NCAM1: variants seen among roughly 807,000 people sequenced by gnomAD.
The protein encoded by NCAM1 is antigen recognized by monoclonal antibody 5.1H11.
In NCAM1, 14 loss-of-function variants were observed where a neutral mutation model predicts 109.8. That is an observed-to-expected ratio of 0.13 (90% confidence interval 0.08 to 0.20). The LOEUF (loss-of-function observed/expected upper bound fraction) is 0.20. Ranked by LOEUF, NCAM1 falls within the 10% of genes least tolerant of loss-of-function variation. The pLI, the probability that NCAM1 is intolerant of heterozygous loss-of-function variation, is 1.00. For missense variants in NCAM1, 774 were observed against 1,109.9 expected (o/e 0.70, Z 4.30); for synonymous variants, 418 against 442.9 (o/e 0.94, Z 0.70).
Position 113,232,776 on chromosome 11 carries a change from T to G in NCAM1, c.1484T>G (p.Ile495Ser). ...GNYNCTAVNR[I>S]GQESLEFILV... Reference sequence around the variant, plus strand: ...TACAACTGTACTGCAGTGAACCGCATTGGGCAGGAGTCCTTGGAATTCATC... The same window carrying G: ...TACAACTGTACTGCAGTGAACCGCAGTGGGCAGGAGTCCTTGGAATTCATC... Residue 495 changes from isoleucine to serine, a missense_variant, in exon 12 of 20, where the codon ATT (isoleucine) becomes AGT (serine). Coordinates refer to ENST00000316851, the MANE Select transcript of NCAM1 (RefSeq NM_181351.5). The G allele has an allele frequency of 6.2e-7, 1 of 1,613,954 alleles. No individual in the cohort carries two copies. Among genetic ancestry groups the G allele is most frequent in the Non-Finnish European group, 8.5e-7 (1 of 1,179,862 alleles).
intron 1 of NCAM1, among the ~76,000 whole-genome samples, chr11:113,086,110 T>C (rs1302918216): frequency 6.6e-6 from 1 of 152,244 alleles, no homozygotes; most frequent in Non-Finnish European, 1.5e-5. Context: ...CACGTTGTAC[T>C]GATGCTCAGT....
At chr11:113,145,898 C>T (rs1381317882) in intron 1 of NCAM1, among the ~76,000 whole-genome samples, 1 of 152,160 alleles carries the variant, frequency 6.6e-6, no homozygotes, top group African/African-American at 2.4e-5. Context: ...TTTCTGGAAA[C>T]AAGCATCGCC....
At chr11:113,110,775 G>T (rs980607697) in intron 1 of NCAM1, among the ~76,000 whole-genome samples, 41 of 152,092 alleles carry the variant, frequency 2.7e-4, no homozygotes, top group African/African-American at 9.7e-4. Flanking sequence ...TAAGCTTGTG[G>T]CCTGGTTCCA....
intron 1 of NCAM1, among the ~76,000 whole-genome samples, chr11:112,978,245 T>TATA (rs199587145): frequency 2.0e-5 from 3 of 151,614 alleles, no homozygotes; most frequent in Non-Finnish European, 4.4e-5. Context: ...AAAATCTAAA[T>TATA]TGGTGTTTAG....
intron 1 of NCAM1, among the ~76,000 whole-genome samples, chr11:113,072,144 CA>C (rs561401400): frequency 2.0e-5 from 3 of 151,868 alleles, no homozygotes; most frequent in African/African-American, 4.8e-5. Flanking sequence ...GAATACATCT[CA>C]AAAAAAATTA....
chr11:113,110,151 C>G (rs1298044620), intron 1 of NCAM1, among the ~76,000 whole-genome samples: 2 of 152,178 alleles, frequency 1.3e-5, no homozygotes, highest in South Asian at 4.2e-4. Context: ...TTATAAAAAT[C>G]CTGGATCAGT....
At chr11:113,271,339 C>T (rs1946265586) in intron 18 of NCAM1, among the ~76,000 whole-genome samples, 1 of 138,812 alleles carries the variant, frequency 7.2e-6, no homozygotes, top group South Asian at 2.3e-4. Flanking sequence ...CACTGCACTC[C>T]AGCCTGGGCG....
At chr11:113,118,650 C>T (rs1465270186) in intron 1 of NCAM1, among the ~76,000 whole-genome samples, 1 of 151,886 alleles carries the variant, frequency 6.6e-6, no homozygotes, top group African/African-American at 2.4e-5. Context: ...TTCGTGGCCT[C>T]TAGAGGTGTC....
intron 1 of NCAM1, among the ~76,000 whole-genome samples, chr11:113,037,999 A>G (rs1423064378): frequency 2.0e-5 from 3 of 152,014 alleles, no homozygotes; most frequent in African/African-American, 7.3e-5. Context: ...GGCCAGGCTC[A>G]CCCCTGCGGG....
chr11:113,185,079 T>TATATATATATATATAGAG, intron 1 of NCAM1, among the ~76,000 whole-genome samples: 160 of 125,718 alleles, frequency 1.3e-3, no homozygotes, highest in East Asian at 7.8e-3. Flanking sequence ...TATATATATA[T>TATATATATATATATAGAG]AGAGAGAGAG....
chr11:113,064,507 A>G (rs1362510774), intron 1 of NCAM1, among the ~76,000 whole-genome samples: 1 of 151,982 alleles, frequency 6.6e-6, no homozygotes, highest in Admixed American at 6.6e-5. Context: ...ATTTTTCCTT[A>G]AACTATATTT....
intron 1 of NCAM1, among the ~76,000 whole-genome samples, chr11:113,136,052 A>T (rs1226918372): frequency 2.0e-5 from 3 of 152,112 alleles, no homozygotes; most frequent in Non-Finnish European, 4.4e-5. Flanking sequence ...GCGTGGTGAC[A>T]TGTGCCTGCA....
intron 1 of NCAM1, among the ~76,000 whole-genome samples, chr11:113,161,698 T>C (rs1193843139): frequency 6.6e-6 from 1 of 152,172 alleles, no homozygotes; most frequent in East Asian, 1.9e-4. Context: ...AGCATGAGGA[T>C]GTAGTAAAAG....
At chr11:113,259,217 A>T (rs1591467005) in intron 16 of NCAM1, among the ~76,000 whole-genome samples, 2 of 151,486 alleles carry the variant, frequency 1.3e-5, no homozygotes, top group East Asian at 3.9e-4. Context: ...ACGCCCGGCT[A>T]ATTTTTTGTA....
chr11:113,046,230 G>A (rs568011244), intron 1 of NCAM1, among the ~76,000 whole-genome samples: 1 of 152,290 alleles, frequency 6.6e-6, no homozygotes, highest in African/African-American at 2.4e-5. Flanking sequence ...CTCAGAAGTT[G>A]GCATTAATAT....
At chr11:113,115,874 A>G (rs1591338847) in intron 1 of NCAM1, among the ~76,000 whole-genome samples, 2 of 152,232 alleles carry the variant, frequency 1.3e-5, no homozygotes, top group Non-Finnish European at 2.9e-5. Flanking sequence ...GAAAATACAC[A>G]TGACATAAAA....
rs780744512 is a variant in NCAM1, at chr11:113,278,396, C to T, written c.*3009C>T. On this transcript the variant is annotated 3_prime_UTR_variant, in exon 20 of 20. Coordinates refer to ENST00000316851, the MANE Select transcript of NCAM1 (RefSeq NM_181351.5). ...TGAGAATTTTGACTTTGCATTCTGT[C>T]GGAATACTTGTGTTCAATAAAAATT... 7.2e-5 allele frequency: 11 copies of T among 152,172 alleles called. No homozygotes were observed. Among genetic ancestry groups the T allele is most frequent in the East Asian group, 1.9e-4 (1 of 5,178 alleles). 9.4% of individuals were successfully genotyped at this position (152,172 alleles called of 1,614,324 possible).
intron 1 of NCAM1, among the ~76,000 whole-genome samples, chr11:113,032,511 T>A (rs1952752751): frequency 6.6e-6 from 1 of 152,210 alleles, no homozygotes; most frequent in African/African-American, 2.4e-5. Context: ...TTGGGGACAT[T>A]GCTGTACGTC....
chr11:113,044,962 G>A (rs1030038777), intron 1 of NCAM1, among the ~76,000 whole-genome samples: 40 of 152,040 alleles, frequency 2.6e-4, no homozygotes, highest in Non-Finnish European at 5.1e-4. Context: ...CACCGTGTTA[G>A]CAAGGATGGT....
Sources: allele counts gnomAD v4.1 joint callset (sites outside exome capture counted in the v4.1 genomes callset), GRCh38; gene constraint gnomAD v4.1.1; transcripts MANE v1.5; gene names NCBI Gene and HGNC (gene_info 2026-07-23, HGNC 2026-07-21).